Variants in VCPIP1 observed in about 807,000 individuals in gnomAD.
The protein encoded by VCPIP1 is deubiquitinating protein VCPIP1.
In VCPIP1, 8 loss-of-function variants were observed where a neutral mutation model predicts 85.0. The ratio of observed to expected loss-of-function variants is 0.09; its 90% CI spans 0.06 to 0.17. The LOEUF (loss-of-function observed/expected upper bound fraction) is 0.17. Ranked by LOEUF, VCPIP1 falls within the 10% of genes least tolerant of loss-of-function variation. The pLI, the probability that VCPIP1 is intolerant of heterozygous loss-of-function variation, is 1.00. For missense variants in VCPIP1, 1,070 were observed against 1,486.3 expected (o/e 0.72, Z 4.61); for synonymous variants, 543 against 544.5 (o/e 1.00, Z 0.04).
At chr8:66,664,225 C>T (rs1410645955) in intron 1 of VCPIP1, 24 bp downstream of exon 1, 24 of 1,519,560 alleles carry the variant, frequency 1.6e-5, no homozygotes, top group Admixed American at 4.4e-5. Context: ...TTAAGATATA[C>T]CATCAGAATT....
intron 2 of VCPIP1, among the ~76,000 whole-genome samples, chr8:66,637,347 AAAAAC>A (rs1284622692): frequency 1.3e-5 from 2 of 152,078 alleles, no homozygotes; most frequent in African/African-American, 4.8e-5. Flanking sequence ...GAAACTGTCT[AAAAAC>A]AAAACAAAAC....
rs757913624 is a variant in VCPIP1 at position 66,651,493 on chromosome 8, C to T, written c.2762G>A (p.Gly921Asp). 6.2e-7 allele frequency: 1 copy of T among 1,613,424 alleles called. No homozygotes were observed. Among genetic ancestry groups the T allele is most frequent in the Non-Finnish European group, 8.5e-7 (1 of 1,179,834 alleles). The part of the protein sequence containing the change: ...AKGLPHMFQQ[G>D]GVFYSIMKKT... ...CTTCATAATACTGTAGAATACACCA[C>T]CCTGCTGAAACATGTGAGGAAGTCC... Residue 921 changes from glycine (G) to aspartate (D), a missense_variant, in exon 2 of 3, where the codon GGT becomes GAT. Physicochemically the swap from Gly to Asp is moderately conservative, Grantham distance 94. Coordinates refer to ENST00000310421, the MANE Select transcript of VCPIP1 (RefSeq NM_025054.5).
At chr8:66,657,200 C>T (rs1811109366) in intron 1 of VCPIP1, among the ~76,000 whole-genome samples, 1 of 152,074 alleles carries the variant, frequency 6.6e-6, no homozygotes, top group African/African-American at 2.4e-5. Flanking sequence ...CCACCATGCC[C>T]AGCCAAAATG....
At chr8:66,661,799 T>C (rs1253271514) in intron 1 of VCPIP1, among the ~76,000 whole-genome samples, 2 of 150,270 alleles carry the variant, frequency 1.3e-5, no homozygotes, top group Non-Finnish European at 3.0e-5. Flanking sequence ...AGTCTTGTTC[T>C]GTCGCCCAGG....
At chr8:66,656,226 G>A (rs939837184) in intron 1 of VCPIP1, among the ~76,000 whole-genome samples, 3 of 151,824 alleles carry the variant, frequency 2.0e-5, no homozygotes, top group Non-Finnish European at 2.9e-5. Context: ...ATAGGGTCTC[G>A]CTCTGTCACC....
chr8:66,629,384 C>T lies in VCPIP1; in HGVS notation c.*5117G>A, dbSNP rs1299846047. The T allele has an allele frequency of 6.6e-6, 1 of 152,176 alleles. No homozygotes were observed. The highest frequency in any genetic ancestry group is 1.5e-5 in the Non-Finnish European group (1 of 68,028). 9.4% of individuals were successfully genotyped at this position (152,176 alleles called of 1,614,324 possible). On this transcript the variant is annotated 3_prime_UTR_variant, in exon 3 of 3. Transcript: ENST00000310421. ...TAAAACTTGGAAGTAAACGTGTTGA[C>T]TGCTAAGCTACACAAACGTTATTTA... is the stretch of plus-strand genomic sequence containing the variant.
In VCPIP1 at chr8:66,629,967, CTTTATTA is replaced by C. The variant is rs1762744144; in HGVS notation, c.*4527_*4533del. On this transcript the variant is annotated 3_prime_UTR_variant, in exon 3 of 3. Transcript: ENST00000310421. ...AACCCGCTTAAGTTCAACAAGAAAA[CTTTATTA>C]TTTAAGAATTTCTTTATAAAACTGA... 1.3e-5 allele frequency: 2 copies of C among 152,178 alleles called. No homozygotes were observed. Among genetic ancestry groups the C allele is most frequent in the Admixed American group, 1.3e-4 (2 of 15,284 alleles). 9.4% of individuals were successfully genotyped at this position (152,178 alleles called of 1,614,324 possible). A position where few individuals can be genotyped will look rare whatever the true frequency, so the allele number is the denominator to read the frequency against.
intron 2 of VCPIP1, among the ~76,000 whole-genome samples, chr8:66,637,507 T>C (rs1001075945): frequency 7.8e-5 from 11 of 141,602 alleles, no homozygotes; most frequent in Admixed American, 7.3e-4. Flanking sequence ...AAAAAAGATA[T>C]ACTTTAAATA....
At chr8:66,643,151 C>A (rs1810963388) in intron 2 of VCPIP1, among the ~76,000 whole-genome samples, 1 of 150,320 alleles carries the variant, frequency 6.7e-6, no homozygotes, top group Admixed American at 6.6e-5. Context: ...GGCGAAACCC[C>A]ATGTCTACTA....
At chr8:66,654,381 C>T (rs1290337973) in intron 1 of VCPIP1, among the ~76,000 whole-genome samples, 1 of 152,216 alleles carries the variant, frequency 6.6e-6, no homozygotes, top group Non-Finnish European at 1.5e-5. Context: ...GAGGCTGAGG[C>T]AGGAGAATTG....
intron 1 of VCPIP1, among the ~76,000 whole-genome samples, chr8:66,659,927 A>C (rs1319647993): frequency 1.3e-5 from 2 of 152,164 alleles, no homozygotes; most frequent in East Asian, 1.9e-4. Flanking sequence ...CAGAAAAAAA[A>C]AAGAAAGAAA....
In VCPIP1 at chr8:66,635,335, C is replaced by T; in HGVS notation, c.2835G>A (p.Leu945=). ...ADGKHCTFPH[L]PGKTFVYNAS... ...CATTATAGACAAAGGTTTTGCCAGG[C>T]AGATGTGGAAAAGTACAATGCTTGC... Residue 945 remains leucine (L), a synonymous_variant, in exon 3 of 3, where the codon CTG becomes CTA. Coordinates refer to ENST00000310421, the MANE Select transcript of VCPIP1 (RefSeq NM_025054.5). The T allele has an allele frequency of 6.2e-7, 1 of 1,613,650 alleles. No homozygotes were observed. The highest frequency in any genetic ancestry group is 8.5e-7 in the Non-Finnish European group (1 of 1,179,950).
At chr8:66,644,810 AT>A (rs1379960334) in intron 2 of VCPIP1, among the ~76,000 whole-genome samples, 3 of 151,320 alleles carry the variant, frequency 2.0e-5, no homozygotes, top group African/African-American at 7.3e-5. Context: ...AAAAAAAAAA[AT>A]TTTAGGCCAG....
Position 66,630,061 on chromosome 8 carries a change from T to C in VCPIP1, c.*4440A>G, listed in dbSNP as rs1449736022. ...AGAACATAAAATTACCTTTAAAAGCTAATGTGGAGAATTTCAGGGGAAAAT... is the reference window on the plus strand; with the variant it reads ...AGAACATAAAATTACCTTTAAAAGCCAATGTGGAGAATTTCAGGGGAAAAT... On this transcript the variant is annotated 3_prime_UTR_variant, in exon 3 of 3. Transcript: ENST00000310421. The C allele has an allele frequency of 6.6e-6, 1 of 152,166 alleles. No individual in the cohort carries two copies. The highest frequency in any genetic ancestry group is 2.4e-5 in the African/African-American group (1 of 41,438). 9.4% of individuals were successfully genotyped at this position (152,166 alleles called of 1,614,324 possible). A position where few individuals can be genotyped will look rare whatever the true frequency, so the allele number is the denominator to read the frequency against.
At chr8:66,648,026 C>A (rs1469540352) in intron 2 of VCPIP1, among the ~76,000 whole-genome samples, 2 of 152,084 alleles carry the variant, frequency 1.3e-5, no homozygotes, top group African/African-American at 2.4e-5. Context: ...TGGTCTTGAA[C>A]TCCTGAGCAA....
At position 66,664,456 on chromosome 8, in the gene VCPIP1, T is replaced by C. The variant is rs771485604; in HGVS notation, c.2503A>G (p.Lys835Glu). Residue 835 changes from lysine to glutamate, a missense_variant, in exon 1 of 3, where the codon AAG (lysine) becomes GAG (glutamate). Physicochemically the swap from Lys to Glu is moderately conservative, Grantham distance 56. Around this residue, in one of 8 missense-constraint regions of VCPIP1, gnomAD observed 278 missense variants for 298.5 expected, o/e 0.93. Transcript: ENST00000310421. ...ELMPPQAGME[K>E]EPVPLQHGDR... ...CCATGCTGTAAAGGAACTGGTTCCT[T>C]TTCCATTCCTGCCTGTGGTGGCATT... The C allele has an allele frequency of 9.3e-6, 15 of 1,613,868 alleles. No homozygotes were observed. The South Asian group carries it at 1.6e-4, about 18-fold the overall frequency.
intron 1 of VCPIP1, among the ~76,000 whole-genome samples, chr8:66,656,517 G>A (rs1009341594): frequency 1.3e-5 from 2 of 152,040 alleles, no homozygotes; most frequent in African/African-American, 4.8e-5. Context: ...ATTTAAAAAG[G>A]CAATTTGAAT....
At chr8:66,641,950 C>T (rs1810952306) in intron 2 of VCPIP1, among the ~76,000 whole-genome samples, 1 of 152,146 alleles carries the variant, frequency 6.6e-6, no homozygotes, top group Non-Finnish European at 1.5e-5. Context: ...CTTGTGTATA[C>T]ACCTAAGAGT....
chr8:66,635,869 C>A (rs527614907), intron 2 of VCPIP1, among the ~76,000 whole-genome samples: 1 of 142,200 alleles, frequency 7.0e-6, no homozygotes, highest in African/African-American at 2.7e-5. Flanking sequence ...GCTGAGATTG[C>A]GGCACTGCAC....
Sources: gnomAD v4.1 joint callset for allele counts (sites outside exome capture counted in the v4.1 genomes callset) on GRCh38, gnomAD v4.1.1 for gene constraint, gnomAD v4.1.1 regional missense constraint, MANE v1.5 for transcripts, NCBI Gene and HGNC (gene_info 2026-07-23, HGNC 2026-07-21) for gene names.